The following SLC26A2 variants were observed in gnomAD, a reference collection of about 807,000 sequenced individuals.
The protein encoded by SLC26A2 is sulfate transporter.
A neutral mutation model predicts 41.1 loss-of-function variants in SLC26A2; 36 were observed. The observed-to-expected ratio is 0.88, with a 90% CI of 0.67 to 1.16. The LOEUF is 1.16. SLC26A2 is among the 50% of genes most tolerant of loss of function. SLC26A2 has a pLI of 0.00. For missense variants in SLC26A2, 796 were observed against 869.6 expected, an observed-to-expected ratio of 0.92 and a Z score of 1.07; for synonymous variants, 291 against 311.6, an observed-to-expected ratio of 0.93 and a Z score of 0.70.
At chr5:149,975,512 T>C (rs1419107174) in intron 1 of SLC26A2, among the ~76,000 whole-genome samples, 1 of 152,198 alleles carries the variant, frequency 6.6e-6, no homozygotes, top group Non-Finnish European at 1.5e-5. Flanking sequence ...AGGACGTTGG[T>C]GCACTCAAGC....
intron 1 of SLC26A2, among the ~76,000 whole-genome samples, chr5:149,968,741 C>T (rs962091808): frequency 5.3e-5 from 7 of 132,400 alleles, no homozygotes; most frequent in South Asian, 2.4e-4. Context: ...TTTTTTGAGA[C>T]GGACTCTCGG....
chr5:149,974,670 G>C (rs1394552236), intron 1 of SLC26A2, among the ~76,000 whole-genome samples: 1 of 149,646 alleles, frequency 6.7e-6, no homozygotes, highest in Admixed American at 6.7e-5. Context: ...TGATCTGCCT[G>C]CCTTGGCCTC....
At position 149,980,348 on chromosome 5, in the gene SLC26A2, T is replaced by G. The variant is rs1489803920; in HGVS notation, c.755T>G (p.Leu252Trp). Residue 252 changes from leucine (L) to tryptophan (W), a missense_variant, in exon 3 of 3, where the codon TTG (leucine) becomes TGG (tryptophan). Coordinates refer to ENST00000286298, the MANE Select transcript of SLC26A2 (RefSeq NM_000112.4). ...GFVSVYLSDALLSGFVTGASF... is the reference protein window; with the variant it reads ...GFVSVYLSDAWLSGFVTGASF... ...GTTTCTGTCTACCTCTCAGATGCCT[T>G]GCTGAGTGGATTTGTCACTGGTGCC... is the stretch of plus-strand genomic sequence containing the variant. The G allele has an allele frequency of 6.2e-7, 1 of 1,614,050 alleles. No individual in the cohort carries two copies. The highest frequency in any genetic ancestry group is 8.5e-7 in the Non-Finnish European group (1 of 1,179,994).
chr5:149,975,685 T>C (rs1457552623), intron 1 of SLC26A2, among the ~76,000 whole-genome samples: 4 of 152,228 alleles, frequency 2.6e-5, no homozygotes, highest in Non-Finnish European at 5.9e-5. Flanking sequence ...CATCAAAATA[T>C]TTACTCATGT....
intron 1 of SLC26A2, among the ~76,000 whole-genome samples, chr5:149,977,231 A>G (rs1321110646): frequency 2.6e-5 from 4 of 152,144 alleles, no homozygotes; most frequent in Non-Finnish European, 4.4e-5. Context: ...ACCAGATCCT[A>G]TTTTGCAGTC....
chr5:149,983,699 C>G lies in SLC26A2; in HGVS notation c.*1886C>G, dbSNP rs1755144635. 1 of 150,602 alleles carries G rather than the reference C, an allele frequency of 6.6e-6. No individual in the cohort carries two copies. The highest frequency in any genetic ancestry group is 2.5e-5 in the African/African-American group (1 of 39,912). The allele number at this position is 150,602 out of a possible 1,614,324, so 9.3% of individuals were successfully genotyped here. ...TCAAGTTATCCTTCCATTTTGGCCT[C>G]CTGAGTAGCTAGACCATAGGTATGC... On this transcript the variant is annotated 3_prime_UTR_variant, in exon 3 of 3. Transcript: ENST00000286298.
intron 1 of SLC26A2, among the ~76,000 whole-genome samples, chr5:149,961,187 G>T (rs781495891): frequency 1.3e-5 from 2 of 152,232 alleles, no homozygotes; most frequent in Non-Finnish European, 2.9e-5. Context: ...GGTGATCCGG[G>T]CCTGCCCGTC....
Position 149,985,342 on chromosome 5 carries a change from AGATTT to A in SLC26A2, c.*3530_*3534del, listed in dbSNP as rs1470004083. ...TTTTAAGTAGGACCAAAGGAAAACAAGATTTAGATAGTCTGACTTTGCTTTTGAAC... is the reference window on the plus strand; with the variant it reads ...TTTTAAGTAGGACCAAAGGAAAACAAAGATAGTCTGACTTTGCTTTTGAAC... On this transcript the variant is annotated 3_prime_UTR_variant, in exon 3 of 3. Transcript: ENST00000286298. 2.6e-5 allele frequency: 4 copies of A among 152,246 alleles called. No individual in the cohort carries two copies. Among genetic ancestry groups the A allele is most frequent in the Non-Finnish European group, 5.9e-5 (4 of 68,038 alleles). 9.4% of individuals were successfully genotyped at this position (152,246 alleles called of 1,614,324 possible).
chr5:149,972,960 G>T (rs1754930425), intron 1 of SLC26A2, among the ~76,000 whole-genome samples: 1 of 150,730 alleles, frequency 6.6e-6, no homozygotes, highest in Non-Finnish European at 1.5e-5. Context: ...TTACTCTTAG[G>T]TTTAAATGTA....
At chr5:149,973,106 C>T (rs1041492919) in intron 1 of SLC26A2, among the ~76,000 whole-genome samples, 69 of 151,918 alleles carry the variant, frequency 4.5e-4, no homozygotes, top group Admixed American at 2.9e-3. Flanking sequence ...ATCACTTGAG[C>T]CCAGGAGTTT....
chr5:149,961,197 C>G (rs1449711353), intron 1 of SLC26A2, among the ~76,000 whole-genome samples: 1 of 152,230 alleles, frequency 6.6e-6, no homozygotes, highest in African/African-American at 2.4e-5. Context: ...GCCTGCCCGT[C>G]TGGCTGGCGG....
intron 1 of SLC26A2, among the ~76,000 whole-genome samples, chr5:149,968,372 C>T (rs908191862): frequency 2.0e-5 from 3 of 152,070 alleles, no homozygotes; most frequent in African/African-American, 7.2e-5. Context: ...TACATTTCTA[C>T]CAGCAATGTA....
At chr5:149,976,651 C>T (rs1754997118) in intron 1 of SLC26A2, among the ~76,000 whole-genome samples, 1 of 152,186 alleles carries the variant, frequency 6.6e-6, no homozygotes, top group Non-Finnish European at 1.5e-5. Context: ...GTTGTCCTTT[C>T]TCTTTTTCTG....
chr5:149,977,006 C>G (rs1171661669), intron 1 of SLC26A2, among the ~76,000 whole-genome samples: 1 of 152,232 alleles, frequency 6.6e-6, no homozygotes, highest in African/African-American at 2.4e-5. Flanking sequence ...CTCCTCTTTC[C>G]TACCAAGCAA....
In SLC26A2 at chr5:149,978,194, A is replaced by G; in HGVS notation, c.542A>G (p.Gln181Arg). The change falls in exon 2 of 3, where the codon CAG becomes CGG. Residue 181 changes from glutamine to arginine, a missense_variant. Coordinates refer to ENST00000286298, the MANE Select transcript of SLC26A2 (RefSeq NM_000112.4). ...GGTGAGACAGTTGACCGAGAACTACAGAAAGCTGGCTATGACAATGCCCAT... is the reference window on the plus strand; with the variant it reads ...GGTGAGACAGTTGACCGAGAACTACGGAAAGCTGGCTATGACAATGCCCAT... ...MIGETVDREL[Q>R]KAGYDNAHSA... 2 of 1,613,790 alleles carry G rather than the reference A, an allele frequency of 1.2e-6. No homozygotes were observed. The highest frequency in any genetic ancestry group is 1.7e-6 in the Non-Finnish European group (2 of 1,179,688).
chr5:149,963,388 C>T (rs1754747399), intron 1 of SLC26A2, among the ~76,000 whole-genome samples: 1 of 151,994 alleles, frequency 6.6e-6, no homozygotes, highest in African/African-American at 2.4e-5. Context: ...AGGTGATTCT[C>T]CTGCCTCAGC....
At position 149,980,511 on chromosome 5, in the gene SLC26A2, C is replaced by T; in HGVS notation, c.918C>T (p.Ile306=). 1 of 1,614,076 alleles carries T rather than the reference C, an allele frequency of 6.2e-7. No individual in the cohort carries two copies. The highest frequency in any genetic ancestry group is 8.5e-7 in the Non-Finnish European group (1 of 1,179,912). ...NIHKTNLCDL[I]TSLLCLLVLL... is the part of the protein sequence containing the mutation. ...ATAAGACCAATCTCTGTGATCTTAT[C>T]ACCAGCCTTTTGTGCCTTTTGGTTC... Residue 306 remains isoleucine (I), a synonymous_variant, in exon 3 of 3, where the codon ATC becomes ATT. Coordinates refer to ENST00000286298, the MANE Select transcript of SLC26A2 (RefSeq NM_000112.4).
intron 1 of SLC26A2, among the ~76,000 whole-genome samples, chr5:149,963,288 T>C (rs1184387431): frequency 6.6e-6 from 1 of 151,556 alleles, no homozygotes; most frequent in Non-Finnish European, 1.5e-5. Context: ...TTTTTTTTTT[T>C]TCTTTTTTTG....
chr5:149,985,266 G>A lies in SLC26A2; in HGVS notation c.*3453G>A, dbSNP rs1181832993. Reference sequence around the variant, plus strand: ...CTTCCTTCTAAACTGAGTGACTGTAGTACTATCTGTGCCTCTGATGGTAAT... The same window carrying A: ...CTTCCTTCTAAACTGAGTGACTGTAATACTATCTGTGCCTCTGATGGTAAT... On this transcript the variant is annotated 3_prime_UTR_variant, in exon 3 of 3. Transcript: ENST00000286298. The A allele has an allele frequency of 6.6e-6, 1 of 152,114 alleles. No individual in the cohort carries two copies. The allele number at this position is 152,114 out of a possible 1,614,324, so 9.4% of individuals were successfully genotyped here. A position where few individuals can be genotyped will look rare whatever the true frequency, so the allele number is the denominator to read the frequency against.
Sources: gnomAD v4.1 joint callset for allele counts (sites outside exome capture counted in the v4.1 genomes callset) on GRCh38, gnomAD v4.1.1 for gene constraint, MANE v1.5 for transcripts, NCBI Gene and HGNC (gene_info 2026-07-23, HGNC 2026-07-21) for gene names.